Variants in ZBTB7C observed in about 807,000 individuals in gnomAD.
The protein encoded by ZBTB7C is zinc finger and BTB domain-containing protein 7C.
In ZBTB7C, 8 loss-of-function variants were observed where a neutral mutation model predicts 25.7. That is an observed-to-expected ratio of 0.31 (90% confidence interval 0.18 to 0.56). The LOEUF (loss-of-function observed/expected upper bound fraction) is 0.56. ZBTB7C is among the 20% of genes least tolerant of loss of function. The pLI is 0.91. For synonymous variants in ZBTB7C, 394 were observed against 369.0 expected (o/e 1.07, Z -0.78); for missense variants, 824 against 855.2 (o/e 0.96, Z 0.46).
At chr18:48,071,948 G>A (rs374722251) in intron 3 of ZBTB7C, among the ~76,000 whole-genome samples, 9 of 152,316 alleles carry the variant, frequency 5.9e-5, no homozygotes, top group South Asian at 2.1e-4. Context: ...ATGGAGGTGT[G>A]GCGAGTTAGT....
chr18:48,389,183 C>T (rs1470495736), intron 1 of ZBTB7C, among the ~76,000 whole-genome samples: 2 of 116,488 alleles, frequency 1.7e-5, no homozygotes, highest in Non-Finnish European at 3.4e-5. Context: ...TGTTCAGAGC[C>T]CTTTAACTCT....
At chr18:48,088,259 G>A (rs1417942041) in intron 3 of ZBTB7C, 1 of 152,210 alleles carries the variant, frequency 6.6e-6, no homozygotes, top group Non-Finnish European at 1.5e-5. Flanking sequence ...CAGTTACCTT[G>A]GCCTCCACCA....
chr18:48,223,788 C>G (rs2043018638), intron 2 of ZBTB7C, among the ~76,000 whole-genome samples: 1 of 152,238 alleles, frequency 6.6e-6, no homozygotes, highest in African/African-American at 2.4e-5. Flanking sequence ...AAGCAGGTCT[C>G]AGGTAAAGGA....
intron 2 of ZBTB7C, among the ~76,000 whole-genome samples, chr18:48,231,153 C>G (rs116210030): frequency 6.6e-6 from 1 of 152,124 alleles, no homozygotes; most frequent in Non-Finnish European, 1.5e-5. Context: ...GGCAGACAGG[C>G]TCCTGGGTAA....
chr18:48,165,092 AG>A, intron 3 of ZBTB7C: 3 of 1,286,280 alleles, frequency 2.3e-6, no homozygotes, highest in Non-Finnish European at 3.0e-6. Flanking sequence ...CCCACAAACA[AG>A]TATGGTTACA....
chr18:48,204,593 C>T (rs2042535858), intron 2 of ZBTB7C, among the ~76,000 whole-genome samples: 1 of 152,188 alleles, frequency 6.6e-6, no homozygotes, highest in African/African-American at 2.4e-5. Context: ...GTAGCTTAAG[C>T]TTTGCCTCCT....
chr18:48,349,433 C>G (rs1568391577), intron 1 of ZBTB7C, among the ~76,000 whole-genome samples: 1 of 152,076 alleles, frequency 6.6e-6, no homozygotes, highest in Non-Finnish European at 1.5e-5. Context: ...TTTAGGGAGT[C>G]CCTATAATAT....
intron 2 of ZBTB7C, among the ~76,000 whole-genome samples, chr18:48,266,777 T>C (rs553120845): frequency 1.3e-4 from 20 of 152,342 alleles, no homozygotes; most frequent in African/African-American, 4.6e-4. Context: ...TTTCCTTTTA[T>C]TTCTGTTTAA....
intron 2 of ZBTB7C, among the ~76,000 whole-genome samples, chr18:48,258,117 C>T (rs535676877): frequency 6.6e-6 from 1 of 152,260 alleles, no homozygotes; most frequent in Non-Finnish European, 1.5e-5. Flanking sequence ...AAACCTATAA[C>T]TAACATCATA....
intron 2 of ZBTB7C, among the ~76,000 whole-genome samples, 193 bp downstream of exon 2, chr18:48,337,981 C>T (rs1298059681): frequency 6.6e-6 from 1 of 152,234 alleles, no homozygotes; most frequent in African/African-American, 2.4e-5. Context: ...TCTTCCAGTG[C>T]TTGGCTCCAG....
chr18:48,317,273 A>T (rs2144829427), intron 2 of ZBTB7C, among the ~76,000 whole-genome samples: 1 of 152,030 alleles, frequency 6.6e-6, no homozygotes, highest in East Asian at 1.9e-4. Flanking sequence ...AAAAAAAAAA[A>T]AAAAAAAAGA....
At chr18:48,291,086 G>C (rs10153403) in intron 2 of ZBTB7C, among the ~76,000 whole-genome samples, 55,487 of 152,042 alleles carry the variant, frequency 0.36, 10,571 homozygotes, top group East Asian at 0.57. Flanking sequence ...TTCTGCTTTG[G>C]GGACATCATC....
At chr18:48,160,293 TTGTTCATGCATCTCACC>T (rs1417168215) in intron 3 of ZBTB7C, among the ~76,000 whole-genome samples, 2 of 152,248 alleles carry the variant, frequency 1.3e-5, no homozygotes, top group Non-Finnish European at 2.9e-5. Flanking sequence ...TGTTGAGGGC[TTGTTCATGCATCTCACC>T]GGTATCTACT....
At chr18:48,376,413 C>T (rs547785614) in intron 1 of ZBTB7C, among the ~76,000 whole-genome samples, 3 of 152,342 alleles carry the variant, frequency 2.0e-5, no homozygotes, top group Non-Finnish European at 4.4e-5. Flanking sequence ...CAGCTTCCCA[C>T]GTGACTCAGC....
chr18:48,374,502 C>T (rs1049944278), intron 1 of ZBTB7C, among the ~76,000 whole-genome samples: 4 of 152,186 alleles, frequency 2.6e-5, no homozygotes, highest in African/African-American at 7.2e-5. Flanking sequence ...GGGGTCCCTC[C>T]CAGCACCAAG....
In ZBTB7C at chr18:48,027,131, A is replaced by G. The variant is rs908817759; in HGVS notation, c.*2129T>C. 6.6e-6 allele frequency: 1 copy of G among 151,774 alleles called. No homozygotes were observed. Among genetic ancestry groups the G allele is most frequent in the African/African-American group, 2.4e-5 (1 of 41,332 alleles). 9.4% of individuals were successfully genotyped at this position (151,774 alleles called of 1,614,324 possible). ...TCAAAAAAAAAAAAAAATTGAAGCAAAACAAAAACACAACCACCCCTCCCC... is the reference window on the plus strand; with the variant it reads ...TCAAAAAAAAAAAAAAATTGAAGCAGAACAAAAACACAACCACCCCTCCCC... On this transcript the variant is annotated 3_prime_UTR_variant, in exon 5 of 5. Transcript: ENST00000590800.
intron 1 of ZBTB7C, among the ~76,000 whole-genome samples, chr18:48,389,861 T>C (rs1457526324): frequency 1.3e-5 from 2 of 152,362 alleles, no homozygotes; most frequent in East Asian, 3.9e-4. Context: ...TTGAATGAAT[T>C]AATGAACTAA....
intron 3 of ZBTB7C, among the ~76,000 whole-genome samples, chr18:48,080,561 C>T (rs2037942979): frequency 6.6e-6 from 1 of 152,346 alleles, no homozygotes; most frequent in African/African-American, 2.4e-5. Context: ...CCTCTGTGGG[C>T]CTCTGTTTCT....
intron 2 of ZBTB7C, among the ~76,000 whole-genome samples, chr18:48,317,257 C>CAAAAAAA (rs71165318): frequency 1.4e-5 from 1 of 69,436 alleles, no homozygotes; most frequent in African/African-American, 5.7e-5. Flanking sequence ...AACTCCGTCT[C>CAAAAAAA]AAAAAAAAAA....
Sources: allele counts gnomAD v4.1 joint callset (sites outside exome capture counted in the v4.1 genomes callset), GRCh38; gene constraint gnomAD v4.1.1; transcripts MANE v1.5; gene names NCBI Gene and HGNC (gene_info 2026-07-23, HGNC 2026-07-21).